NFIC: variants seen among roughly 807,000 people sequenced by gnomAD.
NFIC encodes the protein nuclear factor I C.
In NFIC, 12 loss-of-function variants were observed where a neutral mutation model predicts 54.4. The ratio of observed to expected loss-of-function variants is 0.22; its 90% CI spans 0.14 to 0.36. NFIC has a LOEUF of 0.36. NFIC is among the 10% of genes least tolerant of loss of function. The pLI is 1.00. For synonymous variants in NFIC, 322 were observed against 319.2 expected, an observed-to-expected ratio of 1.01 and a Z score of -0.09; for missense variants, 575 against 718.2, an observed-to-expected ratio of 0.80 and a Z score of 2.28.
At chr19:3,442,916 C>T (rs2082316081) in intron 6 of NFIC, among the ~76,000 whole-genome samples, 1 of 152,226 alleles carries the variant, frequency 6.6e-6, no homozygotes, top group Non-Finnish European at 1.5e-5. Flanking sequence ...AGTGCCTTCA[C>T]AGAAGGTCCT....
At chr19:3,366,788 G>T (rs3764589) in intron 1 of NFIC, 122 bp downstream of exon 1, 202,238 of 647,610 alleles carry the variant, frequency 0.31, 32,647 homozygotes, top group Middle Eastern at 0.38. Context: ...TCCCTGCCCG[G>T]GATGCCCCCC....
intron 6 of NFIC, among the ~76,000 whole-genome samples, chr19:3,444,369 G>T (rs778869806): frequency 6.6e-6 from 1 of 152,230 alleles, no homozygotes; most frequent in Non-Finnish European, 1.5e-5. Context: ...TCAGGATGCC[G>T]GGAGGGGCGT....
chr19:3,442,847 C>G (rs1164836501), intron 6 of NFIC, among the ~76,000 whole-genome samples: 1 of 152,234 alleles, frequency 6.6e-6, no homozygotes, highest in Non-Finnish European at 1.5e-5. Context: ...GTGAAATGGG[C>G]GCAGCTCCTG....
chr19:3,404,145 C>A (rs10410896), intron 2 of NFIC, among the ~76,000 whole-genome samples: 136,543 of 151,026 alleles, frequency 0.9, 61,844 homozygotes, highest in East Asian at 0.97. Flanking sequence ...TCTCCCCCCC[C>A]CGTCACAGCC....
chr19:3,378,988 C>T (rs1476171591), intron 1 of NFIC, among the ~76,000 whole-genome samples: 1 of 152,152 alleles, frequency 6.6e-6, no homozygotes, highest in Non-Finnish European at 1.5e-5. Context: ...TAGTGTCTGC[C>T]TGTGGATCTC....
intron 6 of NFIC, among the ~76,000 whole-genome samples, chr19:3,437,263 G>A (rs1036079150): frequency 6.6e-6 from 1 of 152,058 alleles, no homozygotes; most frequent in Non-Finnish European, 1.5e-5. Flanking sequence ...AGCTACTCAG[G>A]AGGCTGAGGC....
At position 3,456,695 on chromosome 19, in the gene NFIC, G is replaced by A. The variant is rs546746870; in HGVS notation, c.1509+60G>A. The A allele has an allele frequency of 1.6e-5, 22 of 1,354,456 alleles. No homozygotes were observed. The Admixed American group carries it at 2.0e-4, about 12-fold the overall frequency. 83.9% of individuals were successfully genotyped at this position (1,354,456 alleles called of 1,614,324 possible). A position where few individuals can be genotyped will look rare whatever the true frequency, so the allele number is the denominator to read the frequency against. On this transcript the variant is annotated intron_variant, in intron 10 of 10. Transcript: ENST00000443272. ...GGGCAGGGCAGAGGGGCCGGCCCGG[G>A]GGGCTCAGGGCGAAGAGGGCCTGCT...
At chr19:3,392,081 T>C in intron 2 of NFIC, among the ~76,000 whole-genome samples, 1 of 145,648 alleles carries the variant, frequency 6.9e-6, no homozygotes, top group Non-Finnish European at 1.5e-5. Context: ...TTTTTTTTTT[T>C]TTTTTTTTGA....
At chr19:3,444,152 A>T (rs57187038) in intron 6 of NFIC, among the ~76,000 whole-genome samples, 47 of 128,694 alleles carry the variant, frequency 3.7e-4, no homozygotes, top group African/African-American at 1.0e-3. Context: ...GGCTGCTCCG[A>T]CGGGGTGATG....
At chr19:3,381,647 G>A in intron 1 of NFIC, 65 bp from the exon 2 acceptor site, 1 of 1,558,202 alleles carries the variant, frequency 6.4e-7, no homozygotes, top group Non-Finnish European at 8.7e-7. Context: ...AGCCTTCGGG[G>A]CCGGGCAGTG....
intron 1 of NFIC, among the ~76,000 whole-genome samples, chr19:3,360,674 G>A (rs190050790): frequency 1.3e-3 from 203 of 152,344 alleles, no homozygotes; most frequent in East Asian, 5.0e-3. Flanking sequence ...TGTGTTGTGA[G>A]CGCCGCCCGC....
chr19:3,413,865 G>A (rs190782071), intron 2 of NFIC, among the ~76,000 whole-genome samples: 73 of 152,054 alleles, frequency 4.8e-4, no homozygotes, highest in African/African-American at 1.7e-3. Flanking sequence ...TCAAACTCCA[G>A]GCCTCAGGTG....
intron 2 of NFIC, among the ~76,000 whole-genome samples, chr19:3,407,982 G>A (rs1050740954): frequency 2.0e-5 from 3 of 152,138 alleles, no homozygotes; most frequent in Admixed American, 1.3e-4. Context: ...AACCTTCGCC[G>A]GGTAATGTTT....
intron 1 of NFIC, among the ~76,000 whole-genome samples, chr19:3,377,765 C>T (rs1230882066): frequency 1.3e-5 from 2 of 152,018 alleles, no homozygotes; most frequent in Non-Finnish European, 2.9e-5. Context: ...GTGTGCGCCA[C>T]AGCAACTATG....
chr19:3,379,460 C>T (rs896950485), intron 1 of NFIC, among the ~76,000 whole-genome samples: 5 of 151,888 alleles, frequency 3.3e-5, no homozygotes, highest in African/African-American at 1.2e-4. Flanking sequence ...GTTCTCCTGC[C>T]TCAGCCTCCT....
At chr19:3,443,553 T>G (rs2082325404) in intron 6 of NFIC, among the ~76,000 whole-genome samples, 1 of 151,936 alleles carries the variant, frequency 6.6e-6, no homozygotes, top group Non-Finnish European at 1.5e-5. Flanking sequence ...CCCTCCCCAC[T>G]CAAGGTGTGG....
chr19:3,417,589 G>C (rs1052057810), intron 2 of NFIC, among the ~76,000 whole-genome samples: 1 of 151,714 alleles, frequency 6.6e-6, no homozygotes, highest in Non-Finnish European at 1.5e-5. Flanking sequence ...TAAGTAGGTG[G>C]AGGAGGAGGA....
At chr19:3,364,440 A>G (rs758258), upstream of NFIC, among the ~76,000 whole-genome samples, 151,782 of 152,274 alleles carry the variant, frequency 1, 75,645 homozygotes, top group Middle Eastern at 1. Flanking sequence ...CAGCGAGCCC[A>G]CGCGGCAATT....
chr19:3,372,890 A>G (rs564703022), intron 1 of NFIC, among the ~76,000 whole-genome samples: 2 of 151,680 alleles, frequency 1.3e-5, no homozygotes, highest in East Asian at 3.9e-4. Context: ...TGTCGCCCAG[A>G]CTAGAGTGCA....
Sources: gnomAD v4.1 joint callset for allele counts (sites outside exome capture counted in the v4.1 genomes callset) on GRCh38, gnomAD v4.1.1 for gene constraint, MANE v1.5 for transcripts, NCBI Gene and HGNC (gene_info 2026-07-23, HGNC 2026-07-21) for gene names.